Variants in LDB1 observed in about 807,000 individuals in gnomAD.
The protein encoded by LDB1 is LIM domain binding 1, also known as LIM domain-binding protein 1.
LDB1 carries 6 observed loss-of-function variants against 49.7 expected under a neutral mutation model. The observed-to-expected ratio is 0.12, with a 90% confidence interval of 0.07 to 0.24. The LOEUF (loss-of-function observed/expected upper bound fraction) is 0.24. LDB1 is among the 10% of genes least tolerant of loss of function. The pLI, the probability that LDB1 is intolerant of heterozygous loss-of-function variation, is 1.00. For missense variants in LDB1, 341 were observed against 561.7 expected, an observed-to-expected ratio of 0.61 and a Z score of 3.97; for synonymous variants, 233 against 202.0, an observed-to-expected ratio of 1.15 and a Z score of -1.30.
At chr10:102,110,151 T>C in intron 6 of LDB1, 108 bp from the exon 7 acceptor site, 1 of 1,244,154 alleles carries the variant, frequency 8.0e-7, no homozygotes, top group Non-Finnish European at 1.1e-6. Flanking sequence ...CATACACTTT[T>C]GTCACCTGCA....
chr10:102,116,534 C>T (rs772960206), intron 1 of LDB1, among the ~76,000 whole-genome samples: 10 of 151,698 alleles, frequency 6.6e-5, no homozygotes, highest in Non-Finnish European at 1.2e-4. Context: ...TGGATATATA[C>T]ACACACACAC....
At position 102,111,369 on chromosome 10, in the gene LDB1, C is replaced by T. The variant is rs150341198; in HGVS notation, c.128+65G>A. 9.7e-4 allele frequency: 1,543 copies of T among 1,598,636 alleles called. 18 individuals carry two copies. The African/African-American group carries it at 0.018, about 18-fold the overall frequency. Reference sequence around the variant, plus strand: ...AATTATTGGGGGCAGGGGGCTACTCCCTCCCCTTTCCAGGCAGGATCCCAC... The same window carrying T: ...AATTATTGGGGGCAGGGGGCTACTCTCTCCCCTTTCCAGGCAGGATCCCAC... On this transcript the variant is annotated intron_variant, in intron 2 of 10. Transcript: ENST00000673968.
In LDB1 at chr10:102,106,593, A is replaced by T. The variant is rs1248558130; in HGVS notation, c.*1500T>A. Among the ~76,000 whole-genome samples, 1 of 121,642 alleles carries T rather than the reference A, an allele frequency of 8.2e-6. No homozygotes were observed. The highest frequency in any genetic ancestry group is 3.0e-4 in the East Asian group (1 of 3,364). 79.8% of individuals were successfully genotyped at this position (121,642 alleles called of 152,430 possible). A position where few individuals can be genotyped will look rare whatever the true frequency, so the allele number is the denominator to read the frequency against. ...AAAAAAAAAAAAAAAAAGGCATTAC[A>T]GTTGGGATGGGATGTCCACCTTCCT... On this transcript the variant is annotated 3_prime_UTR_variant, in exon 11 of 11. Coordinates refer to ENST00000673968, the MANE Select transcript of LDB1 (RefSeq NM_001113407.3).
downstream of LDB1, among the ~76,000 whole-genome samples, chr10:102,103,107 G>A (rs1365538545): frequency 6.6e-6 from 1 of 152,176 alleles, no homozygotes; most frequent in East Asian, 1.9e-4. Context: ...TTAGCTCACT[G>A]CAACCTCTGC....
In LDB1 at chr10:102,108,103, G is replaced by A. The variant is rs774007214; in HGVS notation, c.1226C>T (p.Ala409Val). Reference protein sequence around the residue: ...ESKSENPTSQASQ With the variant: ...ESKSENPTSQVSQ Reference sequence around the variant, plus strand: ...CCACAGCAGGGCCTTTTACTGGGAGGCCTGTGACGTGGGGTTCTCCGATTT... The same window carrying A: ...CCACAGCAGGGCCTTTTACTGGGAGACCTGTGACGTGGGGTTCTCCGATTT... Residue 409 changes from alanine (A) to valine (V), a missense_variant, in exon 11 of 11, where the codon GCC becomes GTC. This residue lies in a region of LDB1 where 46 missense variants were observed against 62.9 expected (regional missense o/e 0.73). Coordinates refer to ENST00000673968, the MANE Select transcript of LDB1 (RefSeq NM_001113407.3). The A allele has an allele frequency of 1.7e-5, 28 of 1,613,522 alleles. No individual in the cohort carries two copies. The highest frequency in any genetic ancestry group is 2.4e-5 in the Non-Finnish European group (28 of 1,179,604).
At chr10:102,120,463 T>C (rs1024760747), upstream of LDB1, 184 of 917,048 alleles carry the variant, frequency 2.0e-4, no homozygotes, top group Non-Finnish European at 2.3e-4. Context: ...GCGCTCGCGC[T>C]CCCTCGCGCC....
rs761376100 is a variant in LDB1, at chr10:102,111,112, T to C, written c.206A>G (p.Tyr69Cys). Residue 69 changes from tyrosine (Y) to cysteine (C), a missense_variant, in exon 4 of 11, where the codon TAC (tyrosine) becomes TGC (cysteine). Tyr to Cys is a radical substitution (Grantham distance 194). Transcript: ENST00000673968. ...CCGTTTGTTAAGCTCAAATATTCTG[T>C]AGTCAGTTTGGTTGCCATATGGTGT... is the stretch of plus-strand genomic sequence containing the variant. ...RHTPYGNQTD[Y>C]RIFELNKRLQ... The C allele has an allele frequency of 9.9e-6, 16 of 1,614,156 alleles. No homozygotes were observed. Among genetic ancestry groups the C allele is most frequent in the Non-Finnish European group, 1.4e-5 (16 of 1,180,018 alleles).
chr10:102,114,364 T>C, intron 1 of LDB1: 1 of 986,174 alleles, frequency 1.0e-6, no homozygotes, highest in Non-Finnish European at 1.2e-6. Context: ...GCTGAGGGCC[T>C]TCCGCCCACC....
At chr10:102,118,703 G>C in intron 1 of LDB1, among the ~76,000 whole-genome samples, 1 of 152,152 alleles carries the variant, frequency 6.6e-6, no homozygotes, top group East Asian at 1.9e-4. Flanking sequence ...GGAGGGTCAG[G>C]GCCCTGGGGT....
At chr10:102,111,878 C>G (rs961964583) in intron 1 of LDB1, among the ~76,000 whole-genome samples, 1 of 152,214 alleles carries the variant, frequency 6.6e-6, no homozygotes, top group Middle Eastern at 3.4e-3. Context: ...CCCTGACCCC[C>G]TCTTGGGAGC....
At chr10:102,103,570 T>C (rs2068134459), downstream of LDB1, among the ~76,000 whole-genome samples, 1 of 152,042 alleles carries the variant, frequency 6.6e-6, no homozygotes, top group South Asian at 2.1e-4. Flanking sequence ...TCTCAGCATT[T>C]TGGGAAGCCA....
chr10:102,120,794 A>C (rs999428229), upstream of LDB1, among the ~76,000 whole-genome samples: 3 of 151,842 alleles, frequency 2.0e-5, no homozygotes, highest in African/African-American at 7.3e-5. Context: ...GCTGAGCCGG[A>C]GCGGGAGCCG....
chr10:102,108,942 A>G (rs2133501740), intron 10 of LDB1, 87 bp downstream of exon 10: 1 of 1,556,558 alleles, frequency 6.4e-7, no homozygotes, highest in Non-Finnish European at 8.9e-7. Context: ...CTTTGCTTCT[A>G]CGCCTGCTAG....
intron 1 of LDB1, chr10:102,114,383 G>A (rs1191883561): frequency 2.0e-6 from 2 of 986,358 alleles, no homozygotes; most frequent in Non-Finnish European, 2.4e-6. Flanking sequence ...CCCCCAACAG[G>A]CTCGCAGGGT....
chr10:102,115,931 AAC>A (rs147482525), intron 1 of LDB1, among the ~76,000 whole-genome samples: 12 of 150,424 alleles, frequency 8.0e-5, no homozygotes, highest in African/African-American at 2.2e-4. Context: ...CACACACACA[AAC>A]ACACACACAC....
downstream of LDB1, among the ~76,000 whole-genome samples, chr10:102,104,127 C>A (rs761189015): frequency 4.0e-5 from 6 of 151,264 alleles, no homozygotes; most frequent in Non-Finnish European, 5.9e-5. Flanking sequence ...GGAAGTTGCA[C>A]CAGACTACAG....
At chr10:102,103,746 G>A (rs1252772093), downstream of LDB1, among the ~76,000 whole-genome samples, 7 of 151,888 alleles carry the variant, frequency 4.6e-5, no homozygotes, top group Non-Finnish European at 7.4e-5. Context: ...CCCAGGAGGC[G>A]GAGGTTGCAG....
intron 1 of LDB1, among the ~76,000 whole-genome samples, 171 bp from the exon 2 acceptor site, chr10:102,111,707 C>T (rs767654986): frequency 6.6e-5 from 10 of 152,062 alleles, no homozygotes; most frequent in African/African-American, 2.4e-4. Flanking sequence ...AAAAGTTGGC[C>T]GGGTGTGGTG....
intron 3 of LDB1, 45 bp from the exon 4 acceptor site, chr10:102,111,189 C>T (rs796644041): frequency 6.2e-7 from 1 of 1,610,920 alleles, no homozygotes; most frequent in African/African-American, 1.3e-5. Context: ...GGAGCCTGCC[C>T]CCTCCACCCC....
Sources: gnomAD v4.1 joint callset for allele counts (sites outside exome capture counted in the v4.1 genomes callset) on GRCh38, gnomAD v4.1.1 for gene constraint, gnomAD v4.1.1 regional missense constraint, MANE v1.5 for transcripts, NCBI Gene and HGNC (gene_info 2026-07-23, HGNC 2026-07-21) for gene names.